Variants in POU6F2 observed in about 807,000 individuals in gnomAD.
The protein encoded by POU6F2 is POU domain, class 6, transcription factor 2.
A neutral mutation model predicts 71.3 loss-of-function variants in POU6F2; 31 were observed. The ratio of observed to expected loss-of-function variants is 0.43; its 90% CI spans 0.33 to 0.59. POU6F2 has a LOEUF of 0.59. POU6F2 is among the 20% of genes least tolerant of loss of function. The pLI is 0.04. For synonymous variants in POU6F2, 347 were observed against 355.7 expected, an observed-to-expected ratio of 0.98 and a Z score of 0.27; for missense variants, 783 against 856.8, an observed-to-expected ratio of 0.91 and a Z score of 1.07.
intron 5 of POU6F2, among the ~76,000 whole-genome samples, chr7:39,377,741 G>T (rs984828191): frequency 3.9e-5 from 6 of 152,130 alleles, no homozygotes; most frequent in African/African-American, 1.4e-4. Context: ...TTTAACCCCA[G>T]AAATTCCCCC....
intron 2 of POU6F2, among the ~76,000 whole-genome samples, chr7:39,090,725 T>G (rs1444248272): frequency 6.6e-6 from 1 of 152,190 alleles, no homozygotes; most frequent in Non-Finnish European, 1.5e-5. Flanking sequence ...AATTGAAAAT[T>G]TATACCCCTT....
chr7:39,367,038 G>A (rs914262020), intron 5 of POU6F2, among the ~76,000 whole-genome samples: 1 of 152,054 alleles, frequency 6.6e-6, no homozygotes, highest in African/African-American at 2.4e-5. Flanking sequence ...GATAGAGGGG[G>A]AGACCTGAAG....
chr7:39,341,379 C>G (rs373638813), intron 5 of POU6F2, among the ~76,000 whole-genome samples: 13 of 152,030 alleles, frequency 8.6e-5, no homozygotes, highest in African/African-American at 2.9e-4. Context: ...ACAATTCTTA[C>G]GATGGTGAGA....
intron 2 of POU6F2, among the ~76,000 whole-genome samples, chr7:39,155,661 ATGT>A (rs1424241939): frequency 1.5e-4 from 23 of 152,342 alleles, no homozygotes; most frequent in Admixed American, 9.8e-4. Flanking sequence ...AGACAACTAC[ATGT>A]TGTGTCAGAG....
At position 39,464,762 on chromosome 7, in the gene POU6F2, A is replaced by G. The variant is rs1228743655; in HGVS notation, c.*76A>G. 28 of 1,420,990 alleles carry G rather than the reference A, an allele frequency of 2.0e-5. No homozygotes were observed. The highest frequency in any genetic ancestry group is 2.2e-5 in the Non-Finnish European group (24 of 1,072,436). 88.0% of individuals were successfully genotyped at this position (1,420,990 alleles called of 1,614,324 possible). A position where few individuals can be genotyped will look rare whatever the true frequency, so the allele number is the denominator to read the frequency against. Reference sequence around the variant, plus strand: ...CCCTTGGGACTCCACAACAACAACAACAACAAAATTTAATTTAATTTAAAA... The same window carrying G: ...CCCTTGGGACTCCACAACAACAACAGCAACAAAATTTAATTTAATTTAAAA... On this transcript the variant is annotated 3_prime_UTR_variant, in exon 10 of 10. Transcript: ENST00000518318. The surrounding 1 kb of genome is among the most constrained non-coding windows in gnomAD (Gnocchi z 4.1).
chr7:38,995,958 A>T (rs1310477297), intron 1 of POU6F2, among the ~76,000 whole-genome samples: 1 of 151,554 alleles, frequency 6.6e-6, no homozygotes, highest in African/African-American at 2.4e-5. Flanking sequence ...GAAGAAATGG[A>T]AGTGCTCATC....
At chr7:39,211,146 G>A (rs1434972661) in intron 4 of POU6F2, among the ~76,000 whole-genome samples, 1 of 152,102 alleles carries the variant, frequency 6.6e-6, no homozygotes, top group Non-Finnish European at 1.5e-5. Flanking sequence ...ACTCCCAGAG[G>A]CCTCACCTGC....
chr7:39,024,322 G>A (rs10429206), intron 1 of POU6F2, among the ~76,000 whole-genome samples: 60,892 of 150,408 alleles, frequency 0.4, 12,719 homozygotes, highest in South Asian at 0.49. Flanking sequence ...TTATTGGTGT[G>A]TAAGAATGCT....
chr7:39,337,406 C>T (rs1785802347), intron 4 of POU6F2, among the ~76,000 whole-genome samples: 1 of 152,124 alleles, frequency 6.6e-6, no homozygotes, highest in African/African-American at 2.4e-5. Context: ...AGAGAGGAAA[C>T]CATCATAAAA....
chr7:39,152,224 C>T (rs1012171948), intron 2 of POU6F2, among the ~76,000 whole-genome samples: 10 of 152,116 alleles, frequency 6.6e-5, no homozygotes, highest in African/African-American at 2.4e-4. Context: ...GGTTAATCCT[C>T]CTCCAAGAGT....
chr7:38,999,292 C>T (rs1036482549), intron 1 of POU6F2, among the ~76,000 whole-genome samples: 40 of 152,188 alleles, frequency 2.6e-4, no homozygotes, highest in Admixed American at 1.4e-3. Context: ...CATATTTTCC[C>T]GCAGCCTGTA....
chr7:39,435,940 T>C (rs1788230375), intron 7 of POU6F2, among the ~76,000 whole-genome samples: 1 of 152,174 alleles, frequency 6.6e-6, no homozygotes, highest in South Asian at 2.1e-4. Flanking sequence ...TTTAGATGTG[T>C]GGTGTTATTT....
chr7:39,428,982 G>A (rs1246708762), intron 6 of POU6F2, among the ~76,000 whole-genome samples: 1 of 92,930 alleles, frequency 1.1e-5, no homozygotes, highest in East Asian at 4.1e-4. Context: ...GGGGAGGGGG[G>A]AGGGATAGCA....
chr7:39,351,384 C>T (rs996147412), intron 5 of POU6F2, among the ~76,000 whole-genome samples: 1 of 152,110 alleles, frequency 6.6e-6, no homozygotes, highest in Non-Finnish European at 1.5e-5. Context: ...CCACCTGGGC[C>T]CCTCCCAGAC....
chr7:38,996,292 C>T (rs1289954838), intron 1 of POU6F2, among the ~76,000 whole-genome samples: 2 of 151,972 alleles, frequency 1.3e-5, no homozygotes, highest in African/African-American at 2.4e-5. Context: ...CTGCCCGCCT[C>T]GGCCTCCCAC....
intron 4 of POU6F2, among the ~76,000 whole-genome samples, chr7:39,224,635 A>T (rs889420545): frequency 1.3e-5 from 2 of 152,202 alleles, no homozygotes; most frequent in Admixed American, 1.3e-4. Context: ...AAATTTATTT[A>T]TTGGTCAAAA....
intron 2 of POU6F2, among the ~76,000 whole-genome samples, chr7:39,126,195 C>A (rs185658549): frequency 6.6e-6 from 1 of 152,252 alleles, no homozygotes; most frequent in East Asian, 1.9e-4. Context: ...CTGAATTCAG[C>A]CTTGGCTAAG....
At chr7:39,393,517 G>A (rs1471092209) in intron 5 of POU6F2, among the ~76,000 whole-genome samples, 1 of 152,056 alleles carries the variant, frequency 6.6e-6, no homozygotes, top group African/African-American at 2.4e-5. Context: ...GACCAGAAAT[G>A]GCATTTTCTT....
chr7:38,979,640 AAAT>A (rs1473511857), intron 1 of POU6F2, among the ~76,000 whole-genome samples: 1 of 152,184 alleles, frequency 6.6e-6, no homozygotes, highest in African/African-American at 2.4e-5. Context: ...AATATAGCTA[AAAT>A]AATTGTGGTG....
Sources: gnomAD v4.1 joint callset for allele counts (sites outside exome capture counted in the v4.1 genomes callset) on GRCh38, gnomAD v4.1.1 for gene constraint, Gnocchi (gnomAD v3.1) non-coding constraint, MANE v1.5 for transcripts, NCBI Gene and HGNC (gene_info 2026-07-23, HGNC 2026-07-21) for gene names.